NEK11: variants seen among roughly 807,000 people sequenced by gnomAD.
NEK11 encodes the protein NIMA related kinase 11.
NEK11 carries 72 observed loss-of-function variants against 80.7 expected under a neutral mutation model. The observed-to-expected ratio is 0.89, with a 90% CI of 0.74 to 1.08. NEK11 has a LOEUF of 1.08. Among genes scored for constraint, NEK11 ranks in the 50% least tolerant of loss-of-function variants. The pLI, the probability that NEK11 is intolerant of heterozygous loss-of-function variation, is 0.00. For synonymous variants in NEK11, 251 were observed against 260.7 expected (o/e 0.96, Z 0.36); for missense variants, 764 against 763.6 (o/e 1.00, Z -0.01).
intron 14 of NEK11, among the ~76,000 whole-genome samples, chr3:131,211,410 T>G (rs899905936): frequency 6.6e-6 from 1 of 152,198 alleles, no homozygotes; most frequent in Non-Finnish European, 1.5e-5. Flanking sequence ...ATTTTTTCCT[T>G]CATTTCAACT....
At chr3:131,113,488 A>G (rs1233308612) in intron 5 of NEK11, among the ~76,000 whole-genome samples, 1 of 152,208 alleles carries the variant, frequency 6.6e-6, no homozygotes, top group African/African-American at 2.4e-5. Context: ...AGAAGCCAGA[A>G]AAGCTGTGCA....
At chr3:131,075,214 C>A (rs550605588) in intron 3 of NEK11, among the ~76,000 whole-genome samples, 2 of 152,066 alleles carry the variant, frequency 1.3e-5, no homozygotes, top group Non-Finnish European at 2.9e-5. Flanking sequence ...GCTAGTTCCA[C>A]GGGTTTAATT....
chr3:131,107,451 T>C (rs898969876), intron 4 of NEK11, among the ~76,000 whole-genome samples: 1 of 152,158 alleles, frequency 6.6e-6, no homozygotes, highest in Non-Finnish European at 1.5e-5. Context: ...TTTATCATTG[T>C]CTTCATCCTC....
chr3:131,165,421 T>C lies in NEK11; in HGVS notation c.1083-5T>C, dbSNP rs746252055. 1 of 1,574,516 alleles carries C rather than the reference T, an allele frequency of 6.4e-7. No homozygotes were observed. The highest frequency in any genetic ancestry group is 1.1e-5 in the South Asian group (1 of 90,194). On this transcript the variant is annotated splice_region_variant and splice_polypyrimidine_tract_variant and intron_variant, in intron 11 of 17. Coordinates refer to ENST00000383366, the MANE Select transcript of NEK11 (RefSeq NM_024800.5). ...TATTTTTCTACATTCACTTTAAATT[T>C]ACAGAAAGATTGTGGAAGAAAAATA...
At chr3:131,214,150 CT>C (rs1198797561) in intron 14 of NEK11, among the ~76,000 whole-genome samples, 2 of 152,316 alleles carry the variant, frequency 1.3e-5, no homozygotes, top group East Asian at 3.9e-4. Flanking sequence ...GCCACCTAGT[CT>C]ATAGTATTCT....
chr3:131,309,835 AC>A (rs2096760242), intron 17 of NEK11, among the ~76,000 whole-genome samples: 1 of 151,888 alleles, frequency 6.6e-6, no homozygotes, highest in South Asian at 2.1e-4. Flanking sequence ...AATTAAAAAG[AC>A]AAATTAATCA....
At chr3:131,110,389 T>C (rs1199798066) in intron 5 of NEK11, among the ~76,000 whole-genome samples, 1 of 152,138 alleles carries the variant, frequency 6.6e-6, no homozygotes, top group Non-Finnish European at 1.5e-5. Flanking sequence ...GAATGTATTC[T>C]TTCACCTCAG....
At chr3:131,216,756 T>A (rs1445854086) in intron 14 of NEK11, among the ~76,000 whole-genome samples, 4 of 152,224 alleles carry the variant, frequency 2.6e-5, no homozygotes, top group African/African-American at 7.2e-5. Context: ...GCTGTCCATA[T>A]TCTTCTCTGG....
At position 131,259,316 on chromosome 3, in the gene NEK11, C is replaced by T. The variant is rs937722195; in HGVS notation, c.1622-14162C>T. 6.8e-4 allele frequency among the ~76,000 whole-genome samples: 104 copies of T among 152,218 alleles called. 2 individuals are homozygous for T. The highest frequency in any genetic ancestry group is 6.8e-3 in the Admixed American group (104 of 15,264). On this transcript the variant is annotated intron_variant, in intron 16 of 17. Coordinates refer to ENST00000383366, the MANE Select transcript of NEK11 (RefSeq NM_024800.5). ...TTGACAACAACTTCTTTGGCAGTGGCTTCTGCCCTGTACCAATAAAATCAA... is the reference window on the plus strand; with the variant it reads ...TTGACAACAACTTCTTTGGCAGTGGTTTCTGCCCTGTACCAATAAAATCAA...
chr3:131,313,554 A>G (rs2096803247), intron 17 of NEK11, among the ~76,000 whole-genome samples: 1 of 152,006 alleles, frequency 6.6e-6, no homozygotes, highest in Non-Finnish European at 1.5e-5. Flanking sequence ...TTTGATTTGC[A>G]TTTCTCTAAT....
intron 14 of NEK11, among the ~76,000 whole-genome samples, chr3:131,224,989 T>G (rs948544626): frequency 3.3e-5 from 5 of 152,150 alleles, no homozygotes; most frequent in Non-Finnish European, 5.9e-5. Flanking sequence ...AGGGAAAACA[T>G]TTTTTATAAA....
At position 131,114,319 on chromosome 3, in the gene NEK11, A is replaced by AGTTCATT. The variant is rs11282972; in HGVS notation, c.455+4399_455+4400insTTCATTG. Among the ~76,000 whole-genome samples, 416 of 151,970 alleles carry AGTTCATT rather than the reference A, an allele frequency of 2.7e-3. 2 individuals carry two copies. Among genetic ancestry groups the AGTTCATT allele is most frequent in the Middle Eastern group, 0.017 (5 of 288 alleles). On this transcript the variant is annotated intron_variant, in intron 5 of 17. Transcript: ENST00000383366. ...TAATTAAAAAGCCAAGACTATTCAC[A>AGTTCATT]GAAAGCTACTTTGAGAACGTAGCAC...
chr3:131,240,959 A>G (rs74902269), intron 15 of NEK11, among the ~76,000 whole-genome samples: 7,460 of 152,216 alleles, frequency 0.049, 258 homozygotes, highest in East Asian at 0.18. Context: ...TTTTCCTATT[A>G]GAAATTAACT....
intron 5 of NEK11, among the ~76,000 whole-genome samples, chr3:131,116,311 T>C (rs1049129414): frequency 6.6e-6 from 1 of 152,194 alleles, no homozygotes; most frequent in African/African-American, 2.4e-5. Context: ...GAACACATCC[T>C]TCTTTATGGC....
At chr3:131,299,873 A>G (rs973534165) in intron 17 of NEK11, among the ~76,000 whole-genome samples, 1 of 152,166 alleles carries the variant, frequency 6.6e-6, no homozygotes, top group Non-Finnish European at 1.5e-5. Flanking sequence ...AATGATTTCT[A>G]TTCTTTTGGA....
At chr3:131,256,689 G>A (rs1344521301) in intron 16 of NEK11, among the ~76,000 whole-genome samples, 1 of 152,084 alleles carries the variant, frequency 6.6e-6, no homozygotes, top group Non-Finnish European at 1.5e-5. Context: ...TAACTGGATG[G>A]TTCTGGCTCA....
At chr3:131,076,457 C>T (rs1461457424) in intron 3 of NEK11, among the ~76,000 whole-genome samples, 2 of 146,354 alleles carry the variant, frequency 1.4e-5, no homozygotes, top group South Asian at 4.3e-4. Context: ...AAAAAGAGAC[C>T]TTCCCATTTA....
chr3:131,257,314 G>A (rs918426564), intron 16 of NEK11, among the ~76,000 whole-genome samples: 11 of 152,028 alleles, frequency 7.2e-5, no homozygotes, highest in African/African-American at 2.7e-4. Flanking sequence ...CTTACTGGCA[G>A]AGGCTGGTCA....
intron 10 of NEK11, among the ~76,000 whole-genome samples, chr3:131,162,124 C>A (rs1331510368): frequency 6.6e-6 from 1 of 152,146 alleles, no homozygotes; most frequent in Admixed American, 6.5e-5. Context: ...TGGCCAAGAT[C>A]CTAATTTGTT....
Sources: gnomAD v4.1 joint callset for allele counts (sites outside exome capture counted in the v4.1 genomes callset) on GRCh38, gnomAD v4.1.1 for gene constraint, MANE v1.5 for transcripts, NCBI Gene and HGNC (gene_info 2026-07-23, HGNC 2026-07-21) for gene names.